The following ENKUR variants were observed in gnomAD, a reference collection of about 807,000 sequenced individuals.
The protein encoded by ENKUR is enkurin, TRPC channel interacting protein.
In ENKUR, 19 loss-of-function variants were observed where a neutral mutation model predicts 27.6. The observed-to-expected ratio is 0.69, with a 90% CI of 0.48 to 1.01. The LOEUF (loss-of-function observed/expected upper bound fraction) is 1.01, where lower values mean the gene tolerates loss of function less well. Ranked by LOEUF, ENKUR falls within the 50% of genes least tolerant of loss-of-function variation. ENKUR has a pLI of 0.00. For synonymous variants in ENKUR, 117 were observed against 96.9 expected, an observed-to-expected ratio of 1.21 and a Z score of -1.22; for missense variants, 312 against 310.5, an observed-to-expected ratio of 1.00 and a Z score of -0.04.
chr10:25,017,334 G>C (rs1229845241), upstream of ENKUR, among the ~76,000 whole-genome samples: 1 of 152,118 alleles, frequency 6.6e-6, no homozygotes, highest in African/African-American at 2.4e-5. Context: ...GCTTTTACCC[G>C]AGTGTTTAAA....
chr10:25,022,300 A>G (rs908765849), intron 2 of ENKUR, among the ~76,000 whole-genome samples: 5 of 152,184 alleles, frequency 3.3e-5, no homozygotes, highest in African/African-American at 1.2e-4. Context: ...ATCATTGGAA[A>G]CATTCCTGAG....
intron 4 of ENKUR, among the ~76,000 whole-genome samples, chr10:24,985,958 C>T (rs988418981): frequency 3.9e-5 from 6 of 152,232 alleles, no homozygotes; most frequent in Non-Finnish European, 7.4e-5. Context: ...GTCCCAGCTA[C>T]CTGAGAGGCT....
chr10:24,987,149 G>A (rs76726171), intron 4 of ENKUR, among the ~76,000 whole-genome samples: 2,606 of 152,224 alleles, frequency 0.017, 98 homozygotes, highest in African/African-American at 0.057. Context: ...CTAGACATGG[G>A]TTCTAGCTGC....
chr10:25,040,531 C>T (rs1588682061), intron 2 of ENKUR, among the ~76,000 whole-genome samples: 2 of 145,280 alleles, frequency 1.4e-5, no homozygotes, highest in East Asian at 4.1e-4. Flanking sequence ...CCACCACGCC[C>T]GGCTAACTTT....
chr10:25,061,508 G>T (rs1373453570), intron 1 of ENKUR: 2 of 210,598 alleles, frequency 9.5e-6, no homozygotes, highest in East Asian at 1.1e-4. Context: ...AGGAAAAAAA[G>T]GAAAAAACTT....
chr10:25,048,703 CT>C (rs913273496), intron 2 of ENKUR, among the ~76,000 whole-genome samples: 1 of 152,064 alleles, frequency 6.6e-6, no homozygotes, highest in Non-Finnish European at 1.5e-5. Flanking sequence ...GCTTTTATGA[CT>C]TTGCAAAGGG....
At chr10:24,999,752 G>T (rs1200362519) in intron 1 of ENKUR, among the ~76,000 whole-genome samples, 1 of 152,088 alleles carries the variant, frequency 6.6e-6, no homozygotes, top group African/African-American at 2.4e-5. Flanking sequence ...GAGGTGCTAG[G>T]GCAAAAGTGT....
chr10:24,990,269 T>C (rs1849896294), intron 4 of ENKUR, among the ~76,000 whole-genome samples, 194 bp downstream of exon 4: 1 of 152,230 alleles, frequency 6.6e-6, no homozygotes, highest in South Asian at 2.1e-4. Context: ...TATTATTAAA[T>C]GAATCCCTAT....
rs2132675027 is a variant in ENKUR, at chr10:24,990,554, GCTTT to G, written c.499_502del (p.Lys167ProfsTer18). Reference sequence around the variant, plus strand: ...GATATAACGATCATAGTCTTCTTGGGCTTTCTTTATTTCCTCGTTTCGCTTACAT... The same window carrying G: ...GATATAACGATCATAGTCTTCTTGGGCTTTATTTCCTCGTTTCGCTTACAT... On this transcript the variant is annotated frameshift_variant, in exon 4 of 6. Transcript: ENST00000331161. LOFTEE classifies it high-confidence loss of function. 3.1e-6 allele frequency: 5 copies of G among 1,613,644 alleles called. No individual in the cohort carries two copies. The highest frequency in any genetic ancestry group is 1.1e-5 in the South Asian group (1 of 90,900).
chr10:25,017,321 G>A (rs1850622656), upstream of ENKUR, among the ~76,000 whole-genome samples: 1 of 152,174 alleles, frequency 6.6e-6, no homozygotes, highest in Non-Finnish European at 1.5e-5. Context: ...AAGTCATTTA[G>A]ACGCTTTTAC....
At chr10:25,051,025 G>T (rs897825194) in intron 2 of ENKUR, among the ~76,000 whole-genome samples, 1 of 152,180 alleles carries the variant, frequency 6.6e-6, no homozygotes, top group African/African-American at 2.4e-5. Context: ...TCCCGTGCAT[G>T]CCTTATAGGT....
At chr10:25,032,316 G>GA (rs982628993) in intron 2 of ENKUR, among the ~76,000 whole-genome samples, 2 of 148,162 alleles carry the variant, frequency 1.3e-5, no homozygotes, top group African/African-American at 5.0e-5. Context: ...AGTAAAGAAG[G>GA]GGGGGGGGCT....
Position 25,035,603 on chromosome 10 carries a change from C to T in ENKUR, c.37+25509G>A, listed in dbSNP as rs1850998982. 2.0e-5 allele frequency among the ~76,000 whole-genome samples: 3 copies of T among 152,028 alleles called. No individual in the cohort carries two copies. In the South Asian group the frequency reaches 6.3e-4, roughly 32 times the overall value. On this transcript the variant is annotated intron_variant, in intron 2 of 5. Coordinates refer to the ENKUR transcript ENST00000615958. ...AATTTATTGATTTATAATGGTTGCT[C>T]TATTTTTCCAGTGACCAGAGATTTG... is the stretch of plus-strand genomic sequence containing the variant.
intron 1 of ENKUR, among the ~76,000 whole-genome samples, chr10:25,002,730 G>GT (rs1166396532): frequency 6.6e-6 from 1 of 151,890 alleles, no homozygotes. Context: ...AAACATTATT[G>GT]TTTTTTTCCT....
intron 2 of ENKUR, among the ~76,000 whole-genome samples, chr10:25,057,466 T>C (rs553201384): frequency 1.3e-5 from 2 of 151,536 alleles, no homozygotes; most frequent in Admixed American, 6.6e-5. Context: ...TGTCTATGAA[T>C]GCTGGGAAGA....
chr10:25,000,547 CTT>C, intron 1 of ENKUR, among the ~76,000 whole-genome samples: 1 of 152,096 alleles, frequency 6.6e-6, no homozygotes, highest in African/African-American at 2.4e-5. Context: ...AAACAGATCA[CTT>C]CATCACTATA....
At chr10:24,999,258 C>T in intron 2 of ENKUR, 143 bp downstream of exon 2, 1 of 793,488 alleles carries the variant, frequency 1.3e-6, no homozygotes, top group Non-Finnish European at 1.9e-6. Flanking sequence ...TTCTCTACTT[C>T]CACTTTCTCC....
chr10:24,988,676 A>G (rs1174097663), intron 4 of ENKUR, among the ~76,000 whole-genome samples: 6 of 1,386 alleles, frequency 4.3e-3, no homozygotes, highest in African/African-American at 9.6e-3. Context: ...ATATATATAT[A>G]TATATATATA....
chr10:25,024,378 A>C, intron 2 of ENKUR: 1 of 1,614,016 alleles, frequency 6.2e-7, no homozygotes, highest in South Asian at 1.1e-5. Flanking sequence ...CAGGGAGTGC[A>C]GTCTTAAATG....
Sources: gnomAD v4.1 joint callset for allele counts (sites outside exome capture counted in the v4.1 genomes callset) on GRCh38, gnomAD v4.1.1 for gene constraint, MANE v1.5 for transcripts, NCBI Gene and HGNC (gene_info 2026-07-23, HGNC 2026-07-21) for gene names.